Variants in CSGALNACT2 observed in about 807,000 individuals in gnomAD.
The protein encoded by CSGALNACT2 is chondroitin sulfate N-acetylgalactosaminyltransferase 2, also known as beta 4 GalNAcT-2.
In CSGALNACT2, 35 loss-of-function variants were observed where a neutral mutation model predicts 55.3. That is an observed-to-expected ratio of 0.63 (90% CI 0.48 to 0.84). CSGALNACT2 has a LOEUF of 0.84. Ranked by LOEUF, CSGALNACT2 falls within the 40% of genes least tolerant of loss-of-function variation. The pLI, the probability that CSGALNACT2 is intolerant of heterozygous loss-of-function variation, is 0.00. For missense variants in CSGALNACT2, 544 were observed against 657.5 expected (o/e 0.83, Z 1.89); for synonymous variants, 196 against 224.9 (o/e 0.87, Z 1.15).
At chr10:43,170,140 G>A (rs1247153816) in intron 6 of CSGALNACT2, among the ~76,000 whole-genome samples, 2 of 152,104 alleles carry the variant, frequency 1.3e-5, no homozygotes, top group Admixed American at 1.3e-4. Context: ...ATAATAAAAA[G>A]GCAATTAATA....
intron 7 of CSGALNACT2, 82 bp from the exon 8 acceptor site, chr10:43,183,168 A>T: frequency 9.1e-7 from 1 of 1,099,526 alleles, no homozygotes; most frequent in Non-Finnish European, 1.4e-6. Flanking sequence ...CTTTTGAAGC[A>T]GAACATTTAA....
At chr10:43,146,320 T>C (rs1031003491) in intron 1 of CSGALNACT2, among the ~76,000 whole-genome samples, 1 of 152,196 alleles carries the variant, frequency 6.6e-6, no homozygotes, top group Non-Finnish European at 1.5e-5. Context: ...TCTGATGTTC[T>C]AGGTCAGGAA....
Position 43,155,480 on chromosome 10 carries a change from A to G in CSGALNACT2, c.331A>G (p.Ser111Gly), listed in dbSNP as rs763792861. The G allele has an allele frequency of 1.2e-5, 19 of 1,614,258 alleles. No homozygotes were observed. The South Asian group carries it at 2.0e-4, about 17-fold the overall frequency. The change falls in exon 2 of 8, where the codon AGC (serine) becomes GGC (glycine). Residue 111 changes from serine (S) to glycine (G), a missense_variant. Ser to Gly is a moderately conservative substitution (Grantham distance 56). Transcript: ENST00000374466. The stretch of plus-strand genomic sequence containing the variant: ...AGGGGCTAATGGCATAGGCTATCAG[A>G]GCAACAAAGAGCAAGCACCTAGTGA... ...NVGANGIGYQSNKEQAPSDLL... is the reference protein window; with the variant it reads ...NVGANGIGYQGNKEQAPSDLL...
intron 2 of CSGALNACT2, among the ~76,000 whole-genome samples, chr10:43,158,266 T>G (rs1839062251): frequency 2.0e-5 from 3 of 152,136 alleles, no homozygotes; most frequent in South Asian, 2.1e-4. Context: ...AGACTGGCCC[T>G]GTCCTCAAAA....
At chr10:43,165,936 C>A (rs117324443) in intron 5 of CSGALNACT2, among the ~76,000 whole-genome samples, 2 of 151,776 alleles carry the variant, frequency 1.3e-5, no homozygotes, top group African/African-American at 4.8e-5. Context: ...GAGCTGAGAT[C>A]GCCAGCCTGG....
At chr10:43,141,160 C>T (rs1190176805) in intron 1 of CSGALNACT2, among the ~76,000 whole-genome samples, 3 of 152,162 alleles carry the variant, frequency 2.0e-5, no homozygotes, top group East Asian at 3.9e-4. Context: ...AGGAGGATCT[C>T]TGGATTCCAG....
chr10:43,178,361 G>A (rs147053677), intron 7 of CSGALNACT2, among the ~76,000 whole-genome samples: 257 of 152,184 alleles, frequency 1.7e-3, no homozygotes, highest in Middle Eastern at 6.8e-3. Flanking sequence ...GGTGGCTCAC[G>A]CCTGTAATCC....
intron 1 of CSGALNACT2, among the ~76,000 whole-genome samples, chr10:43,151,829 T>A (rs1468841367): frequency 2.6e-5 from 4 of 152,242 alleles, no homozygotes; most frequent in African/African-American, 9.6e-5. Context: ...TGTTTCTTGT[T>A]TCTCTGGGGA....
intron 7 of CSGALNACT2, 37 bp from the exon 8 acceptor site, chr10:43,183,213 T>C: frequency 1.3e-6 from 2 of 1,486,386 alleles, no homozygotes; most frequent in South Asian, 1.1e-5. Context: ...TGGCTAATAA[T>C]AGGCAGTTAT....
At chr10:43,140,344 A>C (rs1838594173) in intron 1 of CSGALNACT2, among the ~76,000 whole-genome samples, 1 of 152,206 alleles carries the variant, frequency 6.6e-6, no homozygotes, top group Non-Finnish European at 1.5e-5. Flanking sequence ...CAAAGGCAGA[A>C]AATTTAACCA....
intron 4 of CSGALNACT2, 88 bp downstream of exon 4, chr10:43,160,683 G>C (rs1839126869): frequency 2.8e-6 from 2 of 702,124 alleles, no homozygotes; most frequent in Non-Finnish European, 5.0e-6. Flanking sequence ...ATAATTTTTA[G>C]TAACTATTAT....
chr10:43,156,581 G>A (rs1229984656), intron 2 of CSGALNACT2, among the ~76,000 whole-genome samples: 2 of 152,240 alleles, frequency 1.3e-5, no homozygotes, highest in African/African-American at 4.8e-5. Context: ...GTGGTCCCCA[G>A]CCTTTTTGGC....
intron 7 of CSGALNACT2, among the ~76,000 whole-genome samples, chr10:43,178,863 T>C (rs1189839547): frequency 6.6e-6 from 1 of 152,128 alleles, no homozygotes; most frequent in African/African-American, 2.4e-5. Flanking sequence ...TGTATGTTGG[T>C]ACATTTAATG....
At chr10:43,163,599 G>A in intron 4 of CSGALNACT2, 6 of 985,336 alleles carry the variant, frequency 6.1e-6, no homozygotes, top group Non-Finnish European at 6.0e-6. Context: ...TCCCCAAAAG[G>A]TGTTTAAGAT....
intron 5 of CSGALNACT2, among the ~76,000 whole-genome samples, chr10:43,165,167 GTGAGC>G (rs1459823137): frequency 1.3e-5 from 2 of 152,156 alleles, no homozygotes; most frequent in Admixed American, 1.3e-4. Flanking sequence ...GGAGCTTGCA[GTGAGC>G]TGAGATTGCG....
chr10:43,160,564 A>G lies in CSGALNACT2; in HGVS notation c.949A>G (p.Lys317Glu). ...GTATTTTGGTAAAGAAGGACTGTCT[A>G]AAGTCAAGTCTATCCTAGAATCTGT... is the stretch of plus-strand genomic sequence containing the variant. ...VVYFGKEGLSKVKSILESVTS... is the reference protein window; with the variant it reads ...VVYFGKEGLSEVKSILESVTS... The change falls in exon 4 of 8, where the codon AAA (lysine) becomes GAA (glutamate). Residue 317 changes from lysine to glutamate, a missense_variant. This residue lies in a region of CSGALNACT2 where 374 missense variants were observed against 401.3 expected (regional missense o/e 0.93). Coordinates refer to ENST00000374466, the MANE Select transcript of CSGALNACT2 (RefSeq NM_018590.5). 6.3e-7 allele frequency: 1 copy of G among 1,583,906 alleles called. No individual in the cohort carries two copies. The highest frequency in any genetic ancestry group is 1.1e-5 in the South Asian group (1 of 90,330).
Position 43,183,679 on chromosome 10 carries a change from T to C in CSGALNACT2, c.*137T>C, listed in dbSNP as rs1327365542. The C allele has an allele frequency of 1.6e-5, 11 of 688,014 alleles. No homozygotes were observed. Among genetic ancestry groups the C allele is most frequent in the Middle Eastern group, 3.9e-4 (1 of 2,566 alleles). The allele number at this position is 688,014 out of a possible 1,614,324, so 42.6% of individuals were successfully genotyped here. On this transcript the variant is annotated 3_prime_UTR_variant, in exon 8 of 8. Coordinates refer to ENST00000374466, the MANE Select transcript of CSGALNACT2 (RefSeq NM_018590.5). ...GTTCTTTCTGACATTACTTTAGCAA[T>C]TCAACTTGATGTGAGAAGAAAAAAC... is the stretch of plus-strand genomic sequence containing the variant.
At chr10:43,172,118 C>G (rs1839394674) in intron 6 of CSGALNACT2, among the ~76,000 whole-genome samples, 1 of 152,136 alleles carries the variant, frequency 6.6e-6, no homozygotes, top group Admixed American at 6.5e-5. Context: ...CCAGTAATTT[C>G]CACCCCCAAC....
chr10:43,170,456 C>A (rs1839360624), intron 6 of CSGALNACT2, among the ~76,000 whole-genome samples: 1 of 152,172 alleles, frequency 6.6e-6, no homozygotes, highest in African/African-American at 2.4e-5. Context: ...CAGGAGCCAA[C>A]AGAAAGAGCT....
Sources: allele counts gnomAD v4.1 joint callset (sites outside exome capture counted in the v4.1 genomes callset), GRCh38; gene constraint gnomAD v4.1.1; regional missense constraint gnomAD v4.1.1; transcripts MANE v1.5; gene names NCBI Gene and HGNC (gene_info 2026-07-23, HGNC 2026-07-21).